Variants in ASAP1 observed in about 807,000 individuals in gnomAD.
ASAP1 encodes ArfGAP with SH3 domain, ankyrin repeat and PH domain 1, also known as arf-GAP with SH3 domain, ANK repeat and PH domain-containing protein 1.
ASAP1 carries 43 observed loss-of-function variants against 145.2 expected under a neutral mutation model. That is an observed-to-expected ratio of 0.30 (90% confidence interval 0.23 to 0.38). The LOEUF is 0.38. Among genes scored for constraint, ASAP1 ranks in the 10% least tolerant of loss-of-function variants. The pLI is 1.00. For synonymous variants in ASAP1, 546 were observed against 515.5 expected (o/e 1.06, Z -0.80); for missense variants, 1,018 against 1,355.3 (o/e 0.75, Z 3.91).
chr8:130,389,087 G>C (rs1016962849), intron 2 of ASAP1, among the ~76,000 whole-genome samples: 1 of 152,220 alleles, frequency 6.6e-6, no homozygotes, highest in African/African-American at 2.4e-5. Flanking sequence ...CCTGGCTCAC[G>C]TTAAATGCTC....
intron 13 of ASAP1, among the ~76,000 whole-genome samples, chr8:130,149,582 A>G (rs1443582745): frequency 6.6e-6 from 1 of 152,110 alleles, no homozygotes; most frequent in Admixed American, 6.5e-5. Context: ...AATCACTTTG[A>G]TAAGAACAAT....
At chr8:130,382,518 T>C (rs999112267) in intron 2 of ASAP1, among the ~76,000 whole-genome samples, 3 of 152,272 alleles carry the variant, frequency 2.0e-5, no homozygotes, top group Admixed American at 1.3e-4. Flanking sequence ...ACAGGCACTG[T>C]CATGTATTCT....
At chr8:130,241,258 GT>G (rs1385942400) in intron 3 of ASAP1, among the ~76,000 whole-genome samples, 1 of 152,088 alleles carries the variant, frequency 6.6e-6, no homozygotes, top group Non-Finnish European at 1.5e-5. Flanking sequence ...CCCTACAGCA[GT>G]GTATACCCTC....
chr8:130,396,749 C>T (rs1385967410), intron 2 of ASAP1, among the ~76,000 whole-genome samples: 1 of 152,170 alleles, frequency 6.6e-6, no homozygotes, highest in African/African-American at 2.4e-5. Context: ...ATCAGCTGGG[C>T]TCAGGGAAAT....
chr8:130,311,775 A>AAAAAAAAAAAC lies in ASAP1; in HGVS notation c.186+46241_186+46242insGTTTTTTTTTT, dbSNP rs796803091. 8.6e-3 allele frequency among the ~76,000 whole-genome samples: 1,274 copies of AAAAAAAAAAAC among 148,518 alleles called. 25 individuals are homozygous for AAAAAAAAAAAC. The highest frequency in any genetic ancestry group is 0.018 in the Middle Eastern group (5 of 274). On this transcript the variant is annotated intron_variant, in intron 3 of 29. Coordinates refer to ENST00000518721, the MANE Select transcript of ASAP1 (RefSeq NM_018482.4). Reference sequence around the variant, plus strand: ...AAACTCCGTCTCAAAAAAAAAAAAAAGGCAAAATAAGTGATATAGGTTACT... The same window carrying AAAAAAAAAAAC: ...AAACTCCGTCTCAAAAAAAAAAAAAAAAAAAAAAAACGGCAAAATAAGTGATATAGGTTACT...
chr8:130,222,045 C>G (rs1191708521), intron 4 of ASAP1, among the ~76,000 whole-genome samples: 9 of 152,178 alleles, frequency 5.9e-5, no homozygotes, highest in African/African-American at 9.7e-5. Context: ...TTGGAGCCAG[C>G]CTTTTACCCC....
intron 3 of ASAP1, among the ~76,000 whole-genome samples, chr8:130,274,499 G>T (rs768554101): frequency 6.6e-6 from 1 of 152,138 alleles, no homozygotes; most frequent in Non-Finnish European, 1.5e-5. Context: ...CAGACCACTC[G>T]ATCTACCTTA....
intron 1 of ASAP1, among the ~76,000 whole-genome samples, chr8:130,426,516 C>G (rs1433648800): frequency 6.6e-6 from 1 of 152,160 alleles, no homozygotes; most frequent in Non-Finnish European, 1.5e-5. Flanking sequence ...CACAAAATGC[C>G]CAGCAAGGTT....
intron 15 of ASAP1, among the ~76,000 whole-genome samples, chr8:130,130,380 G>A (rs982149001): frequency 2.6e-5 from 4 of 152,134 alleles, no homozygotes; most frequent in Admixed American, 2.6e-4. Flanking sequence ...TCTTTACTCA[G>A]GAGCTCATGA....
chr8:130,254,977 AT>A (rs1819421366), intron 3 of ASAP1, among the ~76,000 whole-genome samples: 1 of 152,158 alleles, frequency 6.6e-6, no homozygotes, highest in South Asian at 2.1e-4. Context: ...CCAAAATATT[AT>A]CCCCATCTTC....
At chr8:130,216,641 T>C (rs1306333196) in intron 4 of ASAP1, among the ~76,000 whole-genome samples, 1 of 152,182 alleles carries the variant, frequency 6.6e-6, no homozygotes, top group Non-Finnish European at 1.5e-5. Context: ...TTCTCTATTT[T>C]TGCTTACTCT....
intron 3 of ASAP1, among the ~76,000 whole-genome samples, chr8:130,261,640 T>C (rs942105001): frequency 6.6e-6 from 1 of 152,090 alleles, no homozygotes; most frequent in Non-Finnish European, 1.5e-5. Flanking sequence ...TAGAGGCTGA[T>C]AACTCCTCAG....
intron 11 of ASAP1, 181 bp from the exon 12 acceptor site, chr8:130,160,145 G>A (rs903351562): frequency 1.7e-6 from 1 of 582,032 alleles, no homozygotes; most frequent in Admixed American, 3.0e-5. Context: ...ACTTGCCAGA[G>A]TCACAAAGCA....
intron 1 of ASAP1, among the ~76,000 whole-genome samples, chr8:130,436,301 T>C (rs1464622984): frequency 6.6e-6 from 1 of 152,014 alleles, no homozygotes; most frequent in Non-Finnish European, 1.5e-5. Flanking sequence ...AACTAGGAGT[T>C]TGGTTTCTTT....
intron 1 of ASAP1, among the ~76,000 whole-genome samples, chr8:130,423,690 C>T (rs1014303312): frequency 1.8e-4 from 27 of 152,176 alleles, no homozygotes; most frequent in African/African-American, 5.5e-4. Context: ...TGTCACTGTT[C>T]GCAAAAACTA....
intron 3 of ASAP1, among the ~76,000 whole-genome samples, chr8:130,256,761 A>ATATATATCCT (rs1554860249): frequency 8.2e-5 from 8 of 98,150 alleles, no homozygotes; most frequent in African/African-American, 2.8e-4. Flanking sequence ...ATATATATAT[A>ATATATATCCT]TATATATATA....
intron 2 of ASAP1, among the ~76,000 whole-genome samples, chr8:130,388,850 T>A (rs1428132608): frequency 1.3e-5 from 2 of 152,176 alleles, no homozygotes; most frequent in Non-Finnish European, 2.9e-5. Context: ...AGCCTGGGGA[T>A]AATATAGTAG....
chr8:130,357,992 C>T (rs749519491), intron 3 of ASAP1, 25 bp downstream of exon 3: 2 of 1,591,132 alleles, frequency 1.3e-6, no homozygotes, highest in African/African-American at 1.3e-5. Context: ...CGAGCGTGGA[C>T]GGCGGGGGTC....
intron 3 of ASAP1, among the ~76,000 whole-genome samples, chr8:130,252,159 TA>T (rs1565137392): frequency 1.3e-5 from 2 of 152,216 alleles, no homozygotes; most frequent in African/African-American, 4.8e-5. Flanking sequence ...CTATGGTTAC[TA>T]AAAATTATGT....
Sources: allele counts gnomAD v4.1 joint callset (sites outside exome capture counted in the v4.1 genomes callset), GRCh38; gene constraint gnomAD v4.1.1; transcripts MANE v1.5; gene names NCBI Gene and HGNC (gene_info 2026-07-23, HGNC 2026-07-21).